Variants in EVA1A observed in about 807,000 individuals in gnomAD.
The protein encoded by EVA1A is eva-1 homolog A, regulator of programmed cell death, also known as protein eva-1 homolog A.
Under a neutral mutation model 9.8 loss-of-function variants are expected in EVA1A, and 7 were observed. The ratio of observed to expected loss-of-function variants is 0.71; its 90% confidence interval spans 0.41 to 1.34. EVA1A has a LOEUF of 1.34. Among genes scored for constraint, EVA1A ranks in the 40% most tolerant of loss-of-function variants. The probability of loss-of-function intolerance (pLI) is 0.01; values close to 1 mark genes in which losing one functional copy is unlikely to be tolerated. For missense variants in EVA1A, 206 were observed against 205.9 expected (o/e 1.00, Z 0.00); for synonymous variants, 90 against 85.6 (o/e 1.05, Z -0.28).
intron 1 of EVA1A, among the ~76,000 whole-genome samples, chr2:75,550,991 T>C (rs1324214570): frequency 6.6e-6 from 1 of 152,098 alleles, no homozygotes; most frequent in Non-Finnish European, 1.5e-5. Context: ...GGCATAGTAG[T>C]GTGTGTCTGT....
At chr2:75,525,035 A>G (rs1033454625) in intron 1 of EVA1A, among the ~76,000 whole-genome samples, 3 of 152,106 alleles carry the variant, frequency 2.0e-5, no homozygotes, top group African/African-American at 7.2e-5. Context: ...TGCCCCATAT[A>G]CAAAATGCAT....
intron 1 of EVA1A, among the ~76,000 whole-genome samples, chr2:75,529,031 C>T (rs181424027): frequency 1.4e-3 from 212 of 152,300 alleles, no homozygotes; most frequent in African/African-American, 5.0e-3. Flanking sequence ...AAAACTACAA[C>T]CAAGGACTCT....
At chr2:75,499,207 G>C (rs1407917692) in intron 3 of EVA1A, among the ~76,000 whole-genome samples, 1 of 152,182 alleles carries the variant, frequency 6.6e-6, no homozygotes, top group African/African-American at 2.4e-5. Flanking sequence ...CTTTTGTAAA[G>C]TGGGAGGAAG....
chr2:75,562,735 A>C (rs776050320), upstream of EVA1A, among the ~76,000 whole-genome samples: 1 of 152,222 alleles, frequency 6.6e-6, no homozygotes, highest in Non-Finnish European at 1.5e-5. Flanking sequence ...TCCAGCAGGC[A>C]TATGGAGAGG....
exon 1 of EVA1A, chr2:75,569,486 A>G (rs955301317): frequency 4.6e-5 from 7 of 152,398 alleles, no homozygotes; most frequent in African/African-American, 1.7e-4. Context: ...CTTTGTGATC[A>G]TTCCTCCTCT....
chr2:75,512,445 G>A (rs911593124), intron 3 of EVA1A, among the ~76,000 whole-genome samples: 2 of 152,110 alleles, frequency 1.3e-5, no homozygotes, highest in Non-Finnish European at 2.9e-5. Flanking sequence ...CAGACTGGGA[G>A]GGAGTCAGCC....
intron 1 of EVA1A, among the ~76,000 whole-genome samples, chr2:75,557,786 T>C (rs60586198): frequency 0.061 from 9,281 of 152,294 alleles, 947 homozygotes; most frequent in African/African-American, 0.21. Flanking sequence ...CCTGCCCCTC[T>C]GTGGCTGGGG....
intron 1 of EVA1A, among the ~76,000 whole-genome samples, chr2:75,531,941 C>T (rs1232377270): frequency 1.3e-5 from 2 of 152,222 alleles, no homozygotes; most frequent in Middle Eastern, 6.8e-3. Context: ...GGGCAGATCA[C>T]GAGGTCACAA....
intron 3 of EVA1A, among the ~76,000 whole-genome samples, chr2:75,512,392 G>C (rs574365815): frequency 2.0e-5 from 3 of 152,228 alleles, no homozygotes; most frequent in Admixed American, 1.3e-4. Flanking sequence ...CCATTGATTC[G>C]AGGTGGGGTA....
chr2:75,518,193 C>A lies in EVA1A; in HGVS notation c.-53G>T, dbSNP rs1480110807. 6.2e-7 allele frequency: 1 copy of A among 1,601,360 alleles called. No individual in the cohort carries two copies. Among genetic ancestry groups the A allele is most frequent in the Non-Finnish European group, 8.5e-7 (1 of 1,175,198 alleles). On this transcript the variant is annotated 5_prime_UTR_variant, in exon 3 of 4. Coordinates refer to ENST00000393913, the MANE Select transcript of EVA1A (RefSeq NM_001135032.2). ...GTGCTTGGCTGAATCAACGTGGCCA[C>A]TCTCCTTCTTCTCTTCTGTTTGGGA... is the stretch of plus-strand genomic sequence containing the variant.
chr2:75,507,684 C>T (rs1360661992), intron 3 of EVA1A, among the ~76,000 whole-genome samples: 1 of 152,198 alleles, frequency 6.6e-6, no homozygotes, highest in Non-Finnish European at 1.5e-5. Context: ...TCAATCTCCA[C>T]CATCCAGACA....
chr2:75,493,957 C>G (rs1046730187), intron 3 of EVA1A, among the ~76,000 whole-genome samples: 1 of 152,178 alleles, frequency 6.6e-6, no homozygotes, highest in Admixed American at 6.5e-5. Flanking sequence ...TATCTAAAGC[C>G]TCTTTTCACC....
rs777793626 is a variant in EVA1A, at chr2:75,493,204, GC to G, written c.*31del. On this transcript the variant is annotated 3_prime_UTR_variant, in exon 4 of 4. Transcript: ENST00000393913. ...CTGCAGACGCTCTCCTTTCCAGGCGGCCTCCAGTGGTTTCCGGGGTCCTGCT... is the reference window on the plus strand; with the variant it reads ...CTGCAGACGCTCTCCTTTCCAGGCGGCTCCAGTGGTTTCCGGGGTCCTGCT... 3 of 1,576,300 alleles carry G rather than the reference GC, an allele frequency of 1.9e-6. No homozygotes were observed. Among genetic ancestry groups the G allele is most frequent in the Non-Finnish European group, 2.6e-6 (3 of 1,160,576 alleles).
intron 1 of EVA1A, among the ~76,000 whole-genome samples, chr2:75,568,433 AC>A (rs1677066884): frequency 6.6e-6 from 1 of 151,318 alleles, no homozygotes; most frequent in African/African-American, 2.4e-5. Flanking sequence ...AAGATTCTGG[AC>A]CCATTTCTAG....
rs143725577 is a variant in EVA1A, at chr2:75,526,359, C to T, written c.-191-3872G>A. On this transcript the variant is annotated intron_variant, in intron 1 of 3. Coordinates refer to ENST00000393913, the MANE Select transcript of EVA1A (RefSeq NM_001135032.2). ...GTTGAGCAACTGCATATTAATTTAA[C>T]TACTGAGTATTAATTTAATAAGGAA... Among the ~76,000 whole-genome samples the T allele has an allele frequency of 3.1e-4, 47 of 152,300 alleles. 1 individual carries two copies. In the East Asian group the frequency reaches 8.1e-3, roughly 26 times the overall value.
At chr2:75,521,356 A>G (rs1675223928) in intron 2 of EVA1A, among the ~76,000 whole-genome samples, 1 of 152,222 alleles carries the variant, frequency 6.6e-6, no homozygotes, top group Non-Finnish European at 1.5e-5. Flanking sequence ...AGGATTTTAA[A>G]GCAGAGACTT....
At chr2:75,534,470 A>C (rs1675802453) in intron 1 of EVA1A, among the ~76,000 whole-genome samples, 1 of 151,248 alleles carries the variant, frequency 6.6e-6, no homozygotes, top group Non-Finnish European at 1.5e-5. Context: ...CGAACAAATC[A>C]AAATGGAATT....
At chr2:75,554,774 C>T (rs547962420) in intron 1 of EVA1A, among the ~76,000 whole-genome samples, 1 of 152,150 alleles carries the variant, frequency 6.6e-6, no homozygotes, top group Non-Finnish European at 1.5e-5. Context: ...AGGAACCACT[C>T]CTGGGACCAC....
chr2:75,542,991 C>T (rs1161351689), intron 1 of EVA1A, among the ~76,000 whole-genome samples: 1 of 152,092 alleles, frequency 6.6e-6, no homozygotes, highest in East Asian at 1.9e-4. Flanking sequence ...CCTGGAACCA[C>T]AGGGAACATT....
Sources: allele counts gnomAD v4.1 joint callset (sites outside exome capture counted in the v4.1 genomes callset), GRCh38; gene constraint gnomAD v4.1.1; transcripts MANE v1.5; gene names NCBI Gene and HGNC (gene_info 2026-07-23, HGNC 2026-07-21).